C3orf49: variants seen among roughly 807,000 people sequenced by gnomAD.
C3orf49 encodes the protein chromosome 3 open reading frame 49.
In C3orf49, 27 loss-of-function variants were observed where a neutral mutation model predicts 13.3. The observed-to-expected ratio is 2.02, with a 90% CI of 1.49 to 2.79. The LOEUF is 2.79. C3orf49 is among the 30% of genes most tolerant of loss of function. C3orf49 has a pLI of 0.00. For synonymous variants in C3orf49, 87 were observed against 47.6 expected (o/e 1.83, Z -3.40); for missense variants, 242 against 134.2 (o/e 1.80, Z -3.97).
At chr3:63,807,730 G>A in the C3orf49 span, among the ~76,000 whole-genome samples, 4 of 151,418 alleles carry the variant, frequency 2.6e-5, no homozygotes, top group South Asian at 4.2e-4. Context: ...GGTGGTGGGC[G>A]CCTATAATCC....
intron 6 of C3orf49, among the ~76,000 whole-genome samples, chr3:63,845,873 C>A (rs1701881707): frequency 6.6e-6 from 1 of 152,078 alleles, no homozygotes. Flanking sequence ...ATGGCAAAAT[C>A]TTACAAAAGA....
chr3:63,792,534 T>C, the C3orf49 span, among the ~76,000 whole-genome samples: 1 of 152,136 alleles, frequency 6.6e-6, no homozygotes, highest in African/African-American at 2.4e-5. Flanking sequence ...CACAAAAAGA[T>C]AAAATTTTAA....
At chr3:63,809,341 T>C in the C3orf49 span, among the ~76,000 whole-genome samples, 1 of 152,238 alleles carries the variant, frequency 6.6e-6, no homozygotes, top group Non-Finnish European at 1.5e-5. Context: ...TACAGAACTG[T>C]AAGACAAATT....
chr3:63,816,769 C>CTTTTTTTTT (rs543894356), upstream of C3orf49, among the ~76,000 whole-genome samples: 11 of 97,168 alleles, frequency 1.1e-4, 1 homozygote, highest in Non-Finnish European at 1.4e-4. Flanking sequence ...CTTTTCTTTT[C>CTTTTTTTTT]TTTTTTTTTT....
At chr3:63,816,666 G>T (rs1307691154), upstream of C3orf49, among the ~76,000 whole-genome samples, 1 of 151,280 alleles carries the variant, frequency 6.6e-6, no homozygotes, top group African/African-American at 2.4e-5. Flanking sequence ...CCTTTAATTT[G>T]ATCTATAGGA....
intron 6 of C3orf49, among the ~76,000 whole-genome samples, chr3:63,846,600 T>A (rs1701902715): frequency 6.6e-6 from 1 of 151,980 alleles, no homozygotes; most frequent in Non-Finnish European, 1.5e-5. Flanking sequence ...AGTAGAGACG[T>A]GGTTTTACCA....
At chr3:63,809,074 C>T in the C3orf49 span, among the ~76,000 whole-genome samples, 1 of 152,168 alleles carries the variant, frequency 6.6e-6, no homozygotes, top group South Asian at 2.1e-4. Context: ...ATATTTTCAC[C>T]ATCCTCTTTC....
At chr3:63,783,318 A>G in the C3orf49 span, among the ~76,000 whole-genome samples, 5 of 152,152 alleles carry the variant, frequency 3.3e-5, no homozygotes, top group East Asian at 9.6e-4. Context: ...TTTTTCCTAC[A>G]AGAAGATTAT....
chr3:63,802,465 T>G, the C3orf49 span, among the ~76,000 whole-genome samples: 1 of 152,248 alleles, frequency 6.6e-6, no homozygotes, highest in Non-Finnish European at 1.5e-5. Flanking sequence ...TCATTTCGTT[T>G]AGCCTTTATC....
chr3:63,800,174 G>C, the C3orf49 span, among the ~76,000 whole-genome samples: 3 of 152,056 alleles, frequency 2.0e-5, no homozygotes, highest in Non-Finnish European at 4.4e-5. Flanking sequence ...CTTTATATTT[G>C]AATTCAATCA....
the C3orf49 span, among the ~76,000 whole-genome samples, chr3:63,794,639 AAG>A: frequency 6.6e-6 from 1 of 152,132 alleles, no homozygotes; most frequent in African/African-American, 2.4e-5. Flanking sequence ...AAGGTCACCA[AAG>A]ATCTCCTTTC....
chr3:63,831,302 G>C (rs1701529107), intron 4 of C3orf49, 79 bp downstream of exon 4: 1 of 656,442 alleles, frequency 1.5e-6, no homozygotes, highest in East Asian at 2.7e-5. Context: ...AGCCCTGCTA[G>C]ACAGCATGGG....
the C3orf49 span, among the ~76,000 whole-genome samples, chr3:63,781,535 T>C: frequency 1.1e-4 from 17 of 152,284 alleles, no homozygotes; most frequent in East Asian, 3.3e-3. Flanking sequence ...AAGAAAGTCA[T>C]TGGTAGCTTG....
chr3:63,822,134 C>A (rs1161496569), intron 1 of C3orf49, among the ~76,000 whole-genome samples: 1 of 152,128 alleles, frequency 6.6e-6, no homozygotes, highest in African/African-American at 2.4e-5. Flanking sequence ...CGCCACCACG[C>A]CTAACTAATG....
chr3:63,846,550 G>A (rs905850188), intron 6 of C3orf49, among the ~76,000 whole-genome samples: 1 of 152,124 alleles, frequency 6.6e-6, no homozygotes, highest in African/African-American at 2.4e-5. Context: ...TGGGATTACA[G>A]GCACCCACCA....
At chr3:63,805,968 AAT>A in the C3orf49 span, among the ~76,000 whole-genome samples, 2 of 152,140 alleles carry the variant, frequency 1.3e-5, no homozygotes, top group Non-Finnish European at 2.9e-5. Flanking sequence ...TACTTTAAAA[AAT>A]ATGTGTAGCA....
chr3:63,848,024 C>A (rs991375553), intron 6 of C3orf49, among the ~76,000 whole-genome samples: 1 of 152,176 alleles, frequency 6.6e-6, no homozygotes, highest in Non-Finnish European at 1.5e-5. Flanking sequence ...GATCTTAAGA[C>A]TGACCAAACA....
At chr3:63,801,681 C>A in the C3orf49 span, among the ~76,000 whole-genome samples, 1 of 152,134 alleles carries the variant, frequency 6.6e-6, no homozygotes, top group African/African-American at 2.4e-5. Context: ...TAGTGCCCAG[C>A]GTCAGCCATT....
intron 5 of C3orf49, among the ~76,000 whole-genome samples, chr3:63,843,003 G>C (rs1245854766): frequency 1.3e-5 from 2 of 151,864 alleles, no homozygotes; most frequent in Non-Finnish European, 2.9e-5. Flanking sequence ...GCCCAGGCTG[G>C]TCTCAAACTA....
Sources: gnomAD v4.1 joint callset for allele counts (sites outside exome capture counted in the v4.1 genomes callset) on GRCh38, gnomAD v4.1.1 for gene constraint, MANE v1.5 for transcripts, NCBI Gene and HGNC (gene_info 2026-07-23, HGNC 2026-07-21) for gene names.